CPN1: variants seen among roughly 807,000 people sequenced by gnomAD.
CPN1 encodes carboxypeptidase N subunit 1.
A neutral mutation model predicts 46.4 loss-of-function variants in CPN1; 37 were observed. That is an observed-to-expected ratio of 0.80 (90% CI 0.61 to 1.05). The LOEUF (loss-of-function observed/expected upper bound fraction) is 1.05, where lower values mean the gene tolerates loss of function less well. Ranked by LOEUF, CPN1 falls within the 50% of genes least tolerant of loss-of-function variation. The probability of loss-of-function intolerance (pLI) is 0.00; values close to 1 mark genes in which losing one functional copy is unlikely to be tolerated. For missense variants in CPN1, 563 were observed against 602.6 expected (o/e 0.93, Z 0.69); for synonymous variants, 224 against 235.4 (o/e 0.95, Z 0.44).
chr10:100,049,248 A>G (rs1378907575), intron 7 of CPN1, among the ~76,000 whole-genome samples: 3 of 143,294 alleles, frequency 2.1e-5, no homozygotes, highest in Non-Finnish European at 4.5e-5. Flanking sequence ...TGAGCCGCTG[A>G]GCCCGTTGGC....
chr10:100,062,568 A>G (rs2041426402), intron 5 of CPN1, among the ~76,000 whole-genome samples: 1 of 151,394 alleles, frequency 6.6e-6, no homozygotes, highest in Non-Finnish European at 1.5e-5. Context: ...TTTAATACTC[A>G]TATTAAAATT....
intron 5 of CPN1, among the ~76,000 whole-genome samples, chr10:100,058,724 T>C (rs1316474497): frequency 6.6e-6 from 1 of 151,960 alleles, no homozygotes; most frequent in Non-Finnish European, 1.5e-5. Context: ...AGAGCAAAAA[T>C]AATCTTGAAA....
At chr10:100,069,968 G>A in intron 2 of CPN1, 99 bp from the exon 3 acceptor site, 1 of 1,392,562 alleles carries the variant, frequency 7.2e-7, no homozygotes, top group South Asian at 1.2e-5. Flanking sequence ...TGTTGCCCAG[G>A]CTGAAGTGCA....
At chr10:100,046,965 T>C (rs2041316652) in intron 8 of CPN1, among the ~76,000 whole-genome samples, 1 of 151,972 alleles carries the variant, frequency 6.6e-6, no homozygotes, top group African/African-American at 2.4e-5. Flanking sequence ...TCCCAGCTAC[T>C]TGGGAGGCTG....
In CPN1 at chr10:100,050,814, AG is replaced by A. The variant is rs527345820; in HGVS notation, c.1112-1939del. ...AAATTTTATTATTTTTATTTTTTGT[AG>A]AGATGGAGGTCTTGCTATGTTGACC... On this transcript the variant is annotated intron_variant, in intron 7 of 8. Transcript: ENST00000370418. Among the ~76,000 whole-genome samples the A allele has an allele frequency of 3.1e-3, 467 of 152,238 alleles. 2 individuals are homozygous for A. The highest frequency in any genetic ancestry group is 0.01 in the African/African-American group (423 of 41,550).
intron 4 of CPN1, 75 bp from the exon 5 acceptor site, chr10:100,063,800 T>C: frequency 2.6e-6 from 3 of 1,132,158 alleles, no homozygotes; most frequent in Non-Finnish European, 4.0e-6. Context: ...CACAACTAGG[T>C]TGAAGCCAAG....
intron 8 of CPN1, 137 bp from the exon 9 acceptor site, chr10:100,042,710 G>T: frequency 9.2e-7 from 1 of 1,086,198 alleles, no homozygotes; most frequent in Non-Finnish European, 1.4e-6. Context: ...ATATAGACTT[G>T]GCTAACGTTC....
intron 7 of CPN1, among the ~76,000 whole-genome samples, chr10:100,052,716 T>G (rs560257411): frequency 3.2e-4 from 48 of 151,658 alleles, no homozygotes; most frequent in African/African-American, 1.1e-3. Flanking sequence ...AAAATAAAAA[T>G]AAAAAATAAA....
intron 7 of CPN1, among the ~76,000 whole-genome samples, chr10:100,053,502 G>A (rs1341808220): frequency 1.3e-5 from 2 of 151,976 alleles, no homozygotes; most frequent in African/African-American, 4.8e-5. Flanking sequence ...TTGCATGCTT[G>A]TAGTCCTAGC....
chr10:100,062,123 T>A (rs1166098631), intron 5 of CPN1, among the ~76,000 whole-genome samples: 1 of 152,142 alleles, frequency 6.6e-6, no homozygotes, highest in Non-Finnish European at 1.5e-5. Context: ...TTCTCACCAA[T>A]CTGCTGCCTG....
chr10:100,059,418 C>T (rs971952744), intron 5 of CPN1, among the ~76,000 whole-genome samples: 6 of 122,332 alleles, frequency 4.9e-5, no homozygotes, highest in Admixed American at 4.0e-4. Flanking sequence ...AACAACAAAA[C>T]CCAAACAACT....
chr10:100,042,535 GCTTA>G lies in CPN1; in HGVS notation c.1265_1268del (p.Val422AlafsTer3). 6.2e-7 allele frequency: 1 copy of G among 1,613,928 alleles called. No homozygotes were observed. The highest frequency in any genetic ancestry group is 1.1e-5 in the South Asian group (1 of 91,082). ...TTCTGCTGGGAGCTCTCCTCACAGG[GCTTA>G]CTTGAGGGATGCTTCTTTTGAGGTG... On this transcript the variant is annotated frameshift_variant, in exon 9 of 9. Coordinates refer to ENST00000370418, the MANE Select transcript of CPN1 (RefSeq NM_001308.3). LOFTEE classifies it low-confidence loss of function (END_TRUNC).
chr10:100,073,610 CTTTTT>C (rs748410671), intron 2 of CPN1, among the ~76,000 whole-genome samples: 1 of 122,452 alleles, frequency 8.2e-6, no homozygotes, highest in Non-Finnish European at 1.7e-5. Context: ...GCTCTTCCAT[CTTTTT>C]TTTTTTTTTT....
intron 7 of CPN1, among the ~76,000 whole-genome samples, chr10:100,053,237 A>C (rs1200825286): frequency 6.6e-6 from 1 of 152,236 alleles, no homozygotes; most frequent in Non-Finnish European, 1.5e-5. Context: ...TTTAAAGGAC[A>C]GAAAGCTGAG....
chr10:100,073,416 G>T (rs1188813565), intron 2 of CPN1, among the ~76,000 whole-genome samples: 1 of 152,116 alleles, frequency 6.6e-6, no homozygotes, highest in Non-Finnish European at 1.5e-5. Context: ...CTAACAGAAG[G>T]TTTCATAAAC....
chr10:100,051,069 G>A (rs1171324622), intron 7 of CPN1, among the ~76,000 whole-genome samples: 1 of 152,146 alleles, frequency 6.6e-6, no homozygotes, highest in Non-Finnish European at 1.5e-5. Flanking sequence ...AGTATGGCAA[G>A]GGAAAAATAA....
At chr10:100,081,087 G>C (rs1268499041) in intron 1 of CPN1, among the ~76,000 whole-genome samples, 1 of 152,116 alleles carries the variant, frequency 6.6e-6, no homozygotes, top group Non-Finnish European at 1.5e-5. Context: ...CAGAACAATA[G>C]TAAGGGGAAA....
intron 5 of CPN1, among the ~76,000 whole-genome samples, chr10:100,060,463 G>A (rs1385733450): frequency 2.0e-5 from 3 of 152,144 alleles, no homozygotes; most frequent in African/African-American, 2.4e-5. Flanking sequence ...TTGGGAGGCC[G>A]AGGCAGGAGA....
chr10:100,081,093 G>C (rs890848153), intron 1 of CPN1, among the ~76,000 whole-genome samples: 2 of 152,012 alleles, frequency 1.3e-5, no homozygotes, highest in Non-Finnish European at 2.9e-5. Flanking sequence ...AATAGTAAGG[G>C]GAAAAGAAAG....
Sources: gnomAD v4.1 joint callset for allele counts (sites outside exome capture counted in the v4.1 genomes callset) on GRCh38, gnomAD v4.1.1 for gene constraint, MANE v1.5 for transcripts, NCBI Gene and HGNC (gene_info 2026-07-23, HGNC 2026-07-21) for gene names.